AGAP2: variants seen among roughly 807,000 people sequenced by gnomAD.
AGAP2 encodes the protein arf-GAP with GTPase, ANK repeat and PH domain-containing protein 2.
In AGAP2, 32 loss-of-function variants were observed where a neutral mutation model predicts 110.9. The ratio of observed to expected loss-of-function variants is 0.29; its 90% CI spans 0.22 to 0.39. The LOEUF (loss-of-function observed/expected upper bound fraction) is 0.39. Among genes scored for constraint, AGAP2 ranks in the 10% least tolerant of loss-of-function variants. The probability of loss-of-function intolerance (pLI) is 1.00; values close to 1 mark genes in which losing one functional copy is unlikely to be tolerated. For missense variants in AGAP2, 1,285 were observed against 1,638.5 expected (o/e 0.78, Z 3.72); for synonymous variants, 702 against 713.0 (o/e 0.98, Z 0.25).
At chr12:57,733,936 C>G (rs1309479157) in intron 5 of AGAP2, 90 bp downstream of exon 5, 3 of 1,456,944 alleles carry the variant, frequency 2.1e-6, no homozygotes, top group Non-Finnish European at 2.7e-6. Context: ...CATTTCCACA[C>G]CTTACCAAGT....
rs41292015 is a variant in AGAP2 at position 57,734,383 on chromosome 12, A to G, written c.1337T>C (p.Met446Thr). ...CAGATGTGTCTGTCCATCCACCAACATTTCTTTCTTGTACTGCTCACCTGT... is the reference window on the plus strand; with the variant it reads ...CAGATGTGTCTGTCCATCCACCAACGTTTCTTTCTTGTACTGCTCACCTGT... ...KTESEQYKKE[M>T]LVDGQTHLVL... The change falls in exon 4 of 19, where the codon ATG (methionine) becomes ACG (threonine). Residue 446 changes from methionine (M) to threonine (T), a missense_variant. By Grantham distance (81) the Met-to-Thr change is moderately conservative (BLOSUM62 -1). Around this residue, in one of 7 missense-constraint regions of AGAP2, gnomAD observed 844 missense variants for 941.2 expected, o/e 0.90. Transcript: ENST00000547588. 4,153 of 1,614,036 alleles carry G rather than the reference A, an allele frequency of 2.6e-3. 11 individuals carry two copies. Among genetic ancestry groups the G allele is most frequent in the Non-Finnish European group, 3.2e-3 (3,832 of 1,180,002 alleles).
At position 57,731,811 on chromosome 12, in the gene AGAP2, CA is replaced by C; in HGVS notation, c.1950del (p.Phe650LeufsTer35). ...GTCAGCATGTCCATGTCCAATACCGCAAAAAGGCTGGTCCTGCGCTTGGCTG... is the reference window on the plus strand; with the variant it reads ...GTCAGCATGTCCATGTCCAATACCGCAAAAGGCTGGTCCTGCGCTTGGCTG... ...HRAAKRRTSL[F>X]ANRRGSDSEK... is the part of the protein sequence containing the mutation. On this transcript the variant is annotated frameshift_variant, in exon 8 of 19. Transcript: ENST00000547588. LOFTEE classifies it high-confidence loss of function. 1 of 1,566,578 alleles carries C rather than the reference CA, an allele frequency of 6.4e-7. No individual in the cohort carries two copies.
chr12:57,724,961 G>C (rs1954736661), downstream of AGAP2: 1 of 152,270 alleles, frequency 6.6e-6, no homozygotes. Context: ...ATCATCTTAA[G>C]AGTCAGTGCC....
intron 10 of AGAP2, 137 bp from the exon 11 acceptor site, chr12:57,731,090 G>T: frequency 2.0e-6 from 2 of 977,264 alleles, no homozygotes; most frequent in Non-Finnish European, 2.9e-6. Flanking sequence ...ACATCTAGGG[G>T]ATGGGCCCAT....
chr12:57,730,396 G>T (rs1007871090), intron 12 of AGAP2, 99 bp downstream of exon 12: 347 of 1,481,694 alleles, frequency 2.3e-4, no homozygotes, highest in Non-Finnish European at 3.6e-5. Context: ...GTTCACTCAT[G>T]CATTTATTCC....
chr12:57,731,679 G>C, intron 8 of AGAP2, 37 bp from the exon 9 acceptor site: 1 of 1,612,998 alleles, frequency 6.2e-7, no homozygotes, highest in Non-Finnish European at 8.5e-7. Context: ...AGGATGGATA[G>C]AGGGATACAC....
chr12:57,724,394 T>C (rs1400994034), downstream of AGAP2: 1 of 152,278 alleles, frequency 6.6e-6, no homozygotes, highest in Non-Finnish European at 1.5e-5. Flanking sequence ...TCTACCTGAG[T>C]AAACACTTTC....
rs1169139992 is a variant in AGAP2, at chr12:57,738,275, G to A, written c.-29C>T. On this transcript the variant is annotated 5_prime_UTR_variant, in exon 1 of 19. Coordinates refer to ENST00000547588, the MANE Select transcript of AGAP2 (RefSeq NM_001122772.3). This position sits in a 1 kb window ranked among gnomAD's most constrained non-coding sequence, Gnocchi z 6.7. ...GCCCGGAGACCCCCGAGCTGGGGAG[G>A]GGAGGGGACTCCCCCGGACTGCCTC... is the stretch of plus-strand genomic sequence containing the variant. The A allele has an allele frequency of 1.5e-5, 23 of 1,488,168 alleles. No homozygotes were observed. The highest frequency in any genetic ancestry group is 2.0e-5 in the Non-Finnish European group (23 of 1,123,956). 92.2% of individuals were successfully genotyped at this position (1,488,168 alleles called of 1,614,324 possible).
In AGAP2 at chr12:57,726,506, C is replaced by A; in HGVS notation, c.*46G>T. 8.4e-7 allele frequency: 1 copy of A among 1,190,268 alleles called. No individual in the cohort carries two copies. The highest frequency in any genetic ancestry group is 1.0e-6 in the Non-Finnish European group (1 of 959,978). 73.7% of individuals were successfully genotyped at this position (1,190,268 alleles called of 1,614,324 possible). A position where few individuals can be genotyped will look rare whatever the true frequency, so the allele number is the denominator to read the frequency against. Reference sequence around the variant, plus strand: ...TGTCCAGCGGTCCGCCCGGTGTGGTCGTGCCCGGCCCGCGTGGGGATGGGG... The same window carrying A: ...TGTCCAGCGGTCCGCCCGGTGTGGTAGTGCCCGGCCCGCGTGGGGATGGGG... On this transcript the variant is annotated 3_prime_UTR_variant, in exon 19 of 19. Transcript: ENST00000547588. This position sits in a 1 kb window ranked among gnomAD's most constrained non-coding sequence, Gnocchi z 5.7.
upstream of AGAP2, among the ~76,000 whole-genome samples, chr12:57,738,761 G>A (rs1456224547): frequency 1.3e-5 from 2 of 149,270 alleles, no homozygotes; most frequent in Non-Finnish European, 1.5e-5. This position sits in a 1 kb window ranked among gnomAD's most constrained non-coding sequence, Gnocchi z 6.7. Flanking sequence ...CCGTGCGGGG[G>A]ATTCGCAGGG....
rs989597478 is a variant in AGAP2, at chr12:57,727,179, AG to A, written c.3130del (p.Leu1044TrpfsTer4). On this transcript the variant is annotated frameshift_variant, in exon 18 of 19. Coordinates refer to ENST00000547588, the MANE Select transcript of AGAP2 (RefSeq NM_001122772.3). LOFTEE classifies it high-confidence loss of function. ...CTCCTCCGAGGTGCTCAGCGGCGCCAGGAACAGTAGCTGCTCGTACTTGGCG... is the reference window on the plus strand; with the variant it reads ...CTCCTCCGAGGTGCTCAGCGGCGCCAGAACAGTAGCTGCTCGTACTTGGCG... ...IRAKYEQLLF[L>X]APLSTSEEPL... The A allele has an allele frequency of 6.2e-7, 1 of 1,610,436 alleles. No individual in the cohort carries two copies. Among genetic ancestry groups the A allele is most frequent in the Non-Finnish European group, 8.5e-7 (1 of 1,179,088 alleles).
rs1340908202 is a variant in AGAP2, at chr12:57,726,531, G to C, written c.*21C>G. Reference sequence around the variant, plus strand: ...CGTGCCCGGCCCGCGTGGGGATGGGGGTGTCTCTCCCGCTGGGCAACTATA... The same window carrying C: ...CGTGCCCGGCCCGCGTGGGGATGGGCGTGTCTCTCCCGCTGGGCAACTATA... On this transcript the variant is annotated 3_prime_UTR_variant, in exon 19 of 19. Coordinates refer to ENST00000547588, the MANE Select transcript of AGAP2 (RefSeq NM_001122772.3). The surrounding 1 kb of genome is among the most constrained non-coding windows in gnomAD (Gnocchi z 5.7). 1.6e-6 allele frequency: 2 copies of C among 1,213,216 alleles called. No homozygotes were observed. The highest frequency in any genetic ancestry group is 1.6e-5 in the African/African-American group (1 of 63,572). 75.2% of individuals were successfully genotyped at this position (1,213,216 alleles called of 1,614,324 possible). A position where few individuals can be genotyped will look rare whatever the true frequency, so the allele number is the denominator to read the frequency against.
At chr12:57,736,027 CTG>C (rs1189756138) in intron 1 of AGAP2, among the ~76,000 whole-genome samples, 2 of 152,208 alleles carry the variant, frequency 1.3e-5, no homozygotes, top group Non-Finnish European at 2.9e-5. Flanking sequence ...TCCAAAAGAA[CTG>C]TGGGGAAGGG....
chr12:57,726,747 C>T lies in AGAP2; in HGVS notation c.3384G>A (p.Leu1128=). 7.6e-7 allele frequency: 1 copy of T among 1,316,874 alleles called. No individual in the cohort carries two copies. The highest frequency in any genetic ancestry group is 9.7e-7 in the Non-Finnish European group (1 of 1,035,962). 81.6% of individuals were successfully genotyped at this position (1,316,874 alleles called of 1,614,324 possible). Residue 1128 remains leucine, a synonymous_variant, in exon 19 of 19, where the codon CTG becomes CTA. Coordinates refer to ENST00000547588, the MANE Select transcript of AGAP2 (RefSeq NM_001122772.3). The surrounding 1 kb of genome is among the most constrained non-coding windows in gnomAD (Gnocchi z 5.7). ...AARDAQGRTA[L]FYARQAGSQL... is the part of the protein sequence containing the mutation. ...GGCTTCCAGCCTGGCGGGCGTAGAA[C>T]AGCGCCGTGCGGCCCTGGGCGTCAC... is the stretch of plus-strand genomic sequence containing the variant.
In AGAP2 at chr12:57,737,345, G is replaced by T; in HGVS notation, c.902C>A (p.Pro301Gln). 6.2e-7 allele frequency: 1 copy of T among 1,613,872 alleles called. No individual in the cohort carries two copies. Among genetic ancestry groups the T allele is most frequent in the Admixed American group, 1.7e-5 (1 of 60,036 alleles). ...GGAAGCAGCGGTGACAGCAGTGGCTGGACTCGGAGTTGGTGGGAGGGTTAG... is the reference window on the plus strand; with the variant it reads ...GGAAGCAGCGGTGACAGCAGTGGCTTGACTCGGAGTTGGTGGGAGGGTTAG... ...PPLTLPPTPS[P>Q]ATAVTAASAQ... The change falls in exon 1 of 19, where the codon CCA (proline) becomes CAA (glutamine). Residue 301 changes from proline to glutamine, a missense_variant. Physicochemically the swap from Pro to Gln is moderately conservative, Grantham distance 76. Coordinates refer to ENST00000547588, the MANE Select transcript of AGAP2 (RefSeq NM_001122772.3). This position sits in a 1 kb window ranked among gnomAD's most constrained non-coding sequence, Gnocchi z 5.9.
chr12:57,735,552 G>T, intron 1 of AGAP2, 125 bp from the exon 2 acceptor site: 1 of 847,700 alleles, frequency 1.2e-6, no homozygotes, highest in Non-Finnish European at 1.9e-6. Context: ...CTGGAGAGGT[G>T]TGTGCAACAG....
upstream of AGAP2, among the ~76,000 whole-genome samples, chr12:57,740,451 T>C (rs1476118704): frequency 6.6e-6 from 1 of 152,140 alleles, no homozygotes; most frequent in African/African-American, 2.4e-5. Context: ...CGGTTTTCCT[T>C]TATGTTCAAT....
Position 57,731,541 on chromosome 12 carries a change from C to T in AGAP2, c.2040+15G>A. 1 of 1,614,110 alleles carries T rather than the reference C, an allele frequency of 6.2e-7. No homozygotes were observed. The highest frequency in any genetic ancestry group is 8.5e-7 in the Non-Finnish European group (1 of 1,180,006). On this transcript the variant is annotated intron_variant, in intron 9 of 18. Coordinates refer to ENST00000547588, the MANE Select transcript of AGAP2 (RefSeq NM_001122772.3). ...CCAGCTGCCCCTAGCCTGTCCCAGC[C>T]CCTGGATCACTCACCTGTTTGATGG...
At chr12:57,728,749 G>A (rs1954824013) in intron 13 of AGAP2, among the ~76,000 whole-genome samples, 1 of 152,174 alleles carries the variant, frequency 6.6e-6, no homozygotes, top group Non-Finnish European at 1.5e-5. Context: ...CTGGGGCGCA[G>A]GGCTGAGATG....
Sources: allele counts gnomAD v4.1 joint callset (sites outside exome capture counted in the v4.1 genomes callset), GRCh38; gene constraint gnomAD v4.1.1; regional missense constraint gnomAD v4.1.1; non-coding constraint Gnocchi (gnomAD v3.1); transcripts MANE v1.5; gene names NCBI Gene and HGNC (gene_info 2026-07-23, HGNC 2026-07-21).